Variants in GEMIN2 observed in about 807,000 individuals in gnomAD.
GEMIN2 encodes the protein gem nuclear organelle associated protein 2.
A neutral mutation model predicts 45.8 loss-of-function variants in GEMIN2; 37 were observed. The observed-to-expected ratio is 0.81, with a 90% CI of 0.62 to 1.06. GEMIN2 has a LOEUF of 1.06. GEMIN2 is among the 50% of genes least tolerant of loss of function. GEMIN2 has a pLI of 0.00. For synonymous variants in GEMIN2, 101 were observed against 111.5 expected (o/e 0.91, Z 0.60); for missense variants, 335 against 321.8 (o/e 1.04, Z -0.31).
intron 7 of GEMIN2, among the ~76,000 whole-genome samples, chr14:39,128,902 CTGTT>C (rs749562130): frequency 1.3e-5 from 2 of 152,152 alleles, no homozygotes; most frequent in Non-Finnish European, 2.9e-5. Flanking sequence ...GCCTCCCAAA[CTGTT>C]TGGATTACAA....
intron 5 of GEMIN2, among the ~76,000 whole-genome samples, chr14:39,123,704 ATATATTTTTTT>A (rs2052605099): frequency 1.9e-5 from 1 of 52,650 alleles, no homozygotes; most frequent in Admixed American, 2.5e-4. Context: ...ATATATATAT[ATATATTTTTTT>A]TTTTTTTTTT....
intron 7 of GEMIN2, chr14:39,131,741 T>C: frequency 2.4e-6 from 1 of 413,194 alleles, no homozygotes; most frequent in South Asian, 6.9e-5. Context: ...CAGGGAATAT[T>C]TTGAGGTATC....
At position 39,114,364 on chromosome 14, in the gene GEMIN2, C is replaced by T; in HGVS notation, c.26C>T (p.Ala9Val). 1 of 1,613,782 alleles carries T rather than the reference C, an allele frequency of 6.2e-7. No homozygotes were observed. The highest frequency in any genetic ancestry group is 8.5e-7 in the Non-Finnish European group (1 of 1,179,650). Reference protein sequence around the residue: MAWVPAESAVEELMPRLLP... With the variant: MAWVPAESVVEELMPRLLP... ...ATGGCGTGGGTACCAGCGGAGTCCG[C>T]AGTGGAAGAGTTGATGCCTCGGCTA... Residue 9 changes from alanine to valine, a missense_variant, in exon 1 of 10, where the codon GCA (alanine) becomes GTA (valine). Physicochemically the swap from Ala to Val is moderately conservative, Grantham distance 64. Coordinates refer to ENST00000308317, the MANE Select transcript of GEMIN2 (RefSeq NM_003616.3).
rs34024177 is a variant in GEMIN2 at position 39,117,270 on chromosome 14, C to CAA, written c.223-715_223-714dup. Reference sequence around the variant, plus strand: ...GAGCAACAGGAGCGAAACTCCGTCTCAAAAAAAAAAAAAAAGAAAACAGAA... The same window carrying CAA: ...GAGCAACAGGAGCGAAACTCCGTCTCAAAAAAAAAAAAAAAAAGAAAACAGAA... On this transcript the variant is annotated intron_variant, in intron 2 of 9. Coordinates refer to ENST00000308317, the MANE Select transcript of GEMIN2 (RefSeq NM_003616.3). Among the ~76,000 whole-genome samples the CAA allele has an allele frequency of 2.1e-3, 282 of 133,280 alleles. 1 individual carries two copies. The highest frequency in any genetic ancestry group is 5.2e-3 in the African/African-American group (178 of 34,416). 87.4% of individuals were successfully genotyped at this position (133,280 alleles called of 152,430 possible). A position where few individuals can be genotyped will look rare whatever the true frequency, so the allele number is the denominator to read the frequency against.
At chr14:39,133,297 GAC>G (rs1209529656) in intron 8 of GEMIN2, among the ~76,000 whole-genome samples, 1 of 34,410 alleles carries the variant, frequency 2.9e-5, no homozygotes, top group Non-Finnish European at 6.1e-5. Context: ...CTACAGTTAA[GAC>G]ACATATATAA....
chr14:39,118,196 GAATT>G (rs1267898963), intron 3 of GEMIN2, 108 bp downstream of exon 3: 5 of 512,212 alleles, frequency 9.8e-6, no homozygotes, highest in African/African-American at 2.0e-5. Context: ...GAATATTCAT[GAATT>G]AATTACCAAA....
chr14:39,116,752 T>G (rs888828928), intron 2 of GEMIN2, among the ~76,000 whole-genome samples: 2 of 152,012 alleles, frequency 1.3e-5, no homozygotes, highest in East Asian at 1.9e-4. Flanking sequence ...TTTGATGGAT[T>G]GATTGATTGA....
intron 5 of GEMIN2, 107 bp from the exon 6 acceptor site, chr14:39,124,885 G>T: frequency 9.3e-6 from 6 of 643,168 alleles, no homozygotes; most frequent in Middle Eastern, 3.0e-4. Flanking sequence ...TCTTTTATTT[G>T]TTCTTTGTTT....
intron 4 of GEMIN2, among the ~76,000 whole-genome samples, chr14:39,120,589 G>T (rs765516396): frequency 6.6e-6 from 1 of 151,064 alleles, no homozygotes; most frequent in African/African-American, 2.4e-5. Context: ...CTTTGTAGTG[G>T]TCTCATGTTC....
chr14:39,128,129 G>A, intron 6 of GEMIN2, 151 bp from the exon 7 acceptor site: 10 of 368,152 alleles, frequency 2.7e-5, no homozygotes, highest in Non-Finnish European at 4.4e-5. Flanking sequence ...AAACTAATTA[G>A]AGTCAAACAA....
chr14:39,133,387 C>G (rs1483584736), intron 8 of GEMIN2, among the ~76,000 whole-genome samples: 3 of 149,300 alleles, frequency 2.0e-5, no homozygotes, highest in Non-Finnish European at 4.4e-5. Flanking sequence ...TAGTAGGAAC[C>G]AGGGAAAAAT....
chr14:39,133,904 C>A, intron 9 of GEMIN2, 185 bp downstream of exon 9: 1 of 388,268 alleles, frequency 2.6e-6, no homozygotes, highest in Non-Finnish European at 4.7e-6. Flanking sequence ...AGCAATCCTC[C>A]CACCTCAGCC....
At chr14:39,127,347 T>TG (rs1436640457) in intron 6 of GEMIN2, among the ~76,000 whole-genome samples, 1 of 137,960 alleles carries the variant, frequency 7.2e-6, no homozygotes, top group Non-Finnish European at 1.6e-5. Context: ...TTTTTTTTTT[T>TG]TTTTTTTTTT....
chr14:39,114,521 C>G (rs761397361), intron 1 of GEMIN2, 46 bp downstream of exon 1: 2 of 1,430,072 alleles, frequency 1.4e-6, no homozygotes, highest in East Asian at 2.3e-5. Context: ...TCTGCCCTGC[C>G]CCTGGGTACA....
Position 39,114,929 on chromosome 14 carries a change from C to G in GEMIN2, c.222+16C>G. On this transcript the variant is annotated intron_variant, in intron 2 of 9. Coordinates refer to ENST00000308317, the MANE Select transcript of GEMIN2 (RefSeq NM_003616.3). The stretch of plus-strand genomic sequence containing the variant: ...GAATATTTCTGTGAGTTTTATTAAC[C>G]GTCTGGAGATTACCCCCAACCCCCC... 1 of 1,221,092 alleles carries G rather than the reference C, an allele frequency of 8.2e-7. No individual in the cohort carries two copies. The highest frequency in any genetic ancestry group is 2.3e-5 in the East Asian group (1 of 43,154). The allele number at this position is 1,221,092 out of a possible 1,614,324, so 75.6% of individuals were successfully genotyped here.
chr14:39,122,770 T>C, intron 5 of GEMIN2: 1 of 350,872 alleles, frequency 2.9e-6, no homozygotes, highest in Non-Finnish European at 5.1e-6. Context: ...TGTCTGACTC[T>C]TGATAGAAAA....
intron 7 of GEMIN2, among the ~76,000 whole-genome samples, chr14:39,131,549 T>TTGTA (rs1178154047): frequency 6.6e-6 from 1 of 152,232 alleles, no homozygotes; most frequent in Non-Finnish European, 1.5e-5. Flanking sequence ...TATAGTTTCT[T>TTGTA]TGTATGTCCC....
At chr14:39,118,134 C>A (rs759354918) in intron 3 of GEMIN2, 46 bp downstream of exon 3, 5 of 1,002,698 alleles carry the variant, frequency 5.0e-6, no homozygotes, top group East Asian at 2.5e-5. Flanking sequence ...GGATTTATTT[C>A]TGTTCTTAGA....
rs1396193003 is a variant in GEMIN2 at position 39,132,066 on chromosome 14, G to A, written c.709G>A (p.Val237Met). The A allele has an allele frequency of 1.2e-5, 17 of 1,423,648 alleles. 1 individual carries two copies. The South Asian group carries it at 1.4e-4, about 12-fold the overall frequency. The allele number at this position is 1,423,648 out of a possible 1,614,324, so 88.2% of individuals were successfully genotyped here. The change falls in exon 8 of 10, where the codon GTG becomes ATG. Residue 237 changes from valine to methionine, a missense_variant and splice_region_variant. Transcript: ENST00000308317. ...ARRCSEVRLLVDSKDDERVPA... is the reference protein window; with the variant it reads ...ARRCSEVRLLMDSKDDERVPA... ...AAGGTGCTCTGAAGTGAGGCTCTTA[G>A]TGGTAAGTTGCAACTTACTGTTTAA... is the stretch of plus-strand genomic sequence containing the variant.
Sources: allele counts gnomAD v4.1 joint callset (sites outside exome capture counted in the v4.1 genomes callset), GRCh38; gene constraint gnomAD v4.1.1; transcripts MANE v1.5; gene names NCBI Gene and HGNC (gene_info 2026-07-23, HGNC 2026-07-21).